ACACA: variants seen among roughly 807,000 people sequenced by gnomAD.
The protein encoded by ACACA is acetyl-CoA carboxylase alpha, also known as acetyl-CoA carboxylase 1.
ACACA carries 103 observed loss-of-function variants against 296.1 expected under a neutral mutation model. That is an observed-to-expected ratio of 0.35 (90% CI 0.30 to 0.41). The LOEUF is 0.41. ACACA is among the 10% of genes least tolerant of loss of function. The pLI is 1.00. For synonymous variants in ACACA, 953 were observed against 1,038.6 expected (o/e 0.92, Z 1.58); for missense variants, 1,554 against 2,989.7 (o/e 0.52, Z 11.20).
chr17:37,216,411 T>A lies in ACACA; in HGVS notation c.3683+5313A>T, dbSNP rs73982272. Among the ~76,000 whole-genome samples the A allele has an allele frequency of 1.1e-3, 169 of 151,830 alleles. 1 individual carries two copies. The highest frequency in any genetic ancestry group is 4.0e-3 in the African/African-American group (166 of 41,404). On this transcript the variant is annotated intron_variant, in intron 29 of 55. Coordinates refer to ENST00000616317, the MANE Select transcript of ACACA (RefSeq NM_198834.3). ...GGAACTACAGTCCCCAGAAAAAAAA[T>A]TTAGAAGTCTTGGGTAGAAGATCAA... is the stretch of plus-strand genomic sequence containing the variant.
chr17:37,121,262 C>T (rs1005466710), intron 50 of ACACA, 93 bp downstream of exon 50: 6 of 1,561,316 alleles, frequency 3.8e-6, no homozygotes, highest in Non-Finnish European at 5.3e-6. Flanking sequence ...GCTATTAGGA[C>T]ACCCACAGAT....
intron 1 of ACACA, among the ~76,000 whole-genome samples, chr17:37,392,880 C>T (rs1235609367): frequency 6.6e-6 from 1 of 151,962 alleles, no homozygotes; most frequent in African/African-American, 2.4e-5. Flanking sequence ...TGGTGGCTCA[C>T]GCCTGTAATC....
intron 1 of ACACA, among the ~76,000 whole-genome samples, chr17:37,341,930 G>A (rs1022450726): frequency 1.3e-5 from 2 of 151,946 alleles, no homozygotes; most frequent in Non-Finnish European, 2.9e-5. Flanking sequence ...CCCTGAATTA[G>A]GTTAAGACCT....
intron 11 of ACACA, among the ~76,000 whole-genome samples, chr17:37,263,445 C>A (rs950466363): frequency 6.6e-6 from 1 of 152,118 alleles, no homozygotes; most frequent in African/African-American, 2.4e-5. Context: ...ATCCCTGTAT[C>A]CTGAAATGGT....
chr17:37,356,081 T>C (rs2049128010), intron 1 of ACACA, among the ~76,000 whole-genome samples: 1 of 151,650 alleles, frequency 6.6e-6, no homozygotes. Context: ...TGAGGCAGGA[T>C]TGCTAGAACC....
intron 1 of ACACA, among the ~76,000 whole-genome samples, chr17:37,358,520 G>A (rs969853200): frequency 1.3e-5 from 2 of 152,240 alleles, no homozygotes; most frequent in South Asian, 4.1e-4. Flanking sequence ...AGTGAGGTCT[G>A]CACCCCACAC....
At chr17:37,130,602 A>C (rs373544285) in intron 45 of ACACA, among the ~76,000 whole-genome samples, 1 of 152,062 alleles carries the variant, frequency 6.6e-6, no homozygotes, top group East Asian at 1.9e-4. Context: ...AAAAAAAAAC[A>C]AAAAATACTT....
chr17:37,133,649 G>A (rs745776320), intron 45 of ACACA, among the ~76,000 whole-genome samples: 4 of 152,192 alleles, frequency 2.6e-5, no homozygotes, highest in Non-Finnish European at 5.9e-5. Flanking sequence ...TAGGTGAGCT[G>A]CATTCAACAC....
chr17:37,212,641 CTTTT>C (rs1006655517), intron 29 of ACACA, among the ~76,000 whole-genome samples: 1 of 145,372 alleles, frequency 6.9e-6, no homozygotes, highest in Non-Finnish European at 1.5e-5. Context: ...TACATGTTTT[CTTTT>C]TTTTTTTCTT....
chr17:37,338,013 C>G lies in ACACA; in HGVS notation c.85+1791G>C, dbSNP rs998068940. 6.6e-5 allele frequency among the ~76,000 whole-genome samples: 10 copies of G among 151,910 alleles called. No homozygotes were observed. In the East Asian group the frequency reaches 2.0e-3, roughly 30 times the overall value. On this transcript the variant is annotated intron_variant, in intron 2 of 55. Coordinates refer to ENST00000616317, the MANE Select transcript of ACACA (RefSeq NM_198834.3). ...TCGAGAGGCTGAGGCAGGAGTATGGCGTGAACCCAGGGGGCGGAGCTTGCA... is the reference window on the plus strand; with the variant it reads ...TCGAGAGGCTGAGGCAGGAGTATGGGGTGAACCCAGGGGGCGGAGCTTGCA...
intron 1 of ACACA, among the ~76,000 whole-genome samples, chr17:37,390,897 G>T (rs2050853781): frequency 6.6e-6 from 1 of 152,104 alleles, no homozygotes; most frequent in Non-Finnish European, 1.5e-5. Context: ...CCAGGTAGCT[G>T]CAACTGTGAT....
At position 37,155,051 on chromosome 17, in the gene ACACA, C is replaced by T. The variant is rs56057582; in HGVS notation, c.5447+632G>A. ...TTAAAATCCTTAAAAATTGACTTTTCGACCTGCAATTTCTCTTCTAGAAAT... is the reference window on the plus strand; with the variant it reads ...TTAAAATCCTTAAAAATTGACTTTTTGACCTGCAATTTCTCTTCTAGAAAT... On this transcript the variant is annotated intron_variant, in intron 43 of 55. Coordinates refer to ENST00000616317, the MANE Select transcript of ACACA (RefSeq NM_198834.3). Among the ~76,000 whole-genome samples, 170 of 152,176 alleles carry T rather than the reference C, an allele frequency of 1.1e-3. 1 individual carries two copies. Among genetic ancestry groups the T allele is most frequent in the African/African-American group, 4.0e-3 (167 of 41,522 alleles).
rs1457153858 is a variant in ACACA at position 37,330,185 on chromosome 17, G to C, written c.326C>G (p.Ala109Gly). The C allele has an allele frequency of 2.0e-5, 33 of 1,614,094 alleles. No homozygotes were observed. The highest frequency in any genetic ancestry group is 2.6e-5 in the Non-Finnish European group (31 of 1,180,018). ...AACTCTCTCTTACCTTATGTGCAAG[G>C]CCAAGCCATCCTGTAGGCTAGAGAT... ...LGISSLQDGL[A>G]LHIRSSMSGL... The change falls in exon 3 of 56, where the codon GCC becomes GGC. Residue 109 changes from alanine (A) to glycine (G), a missense_variant. Coordinates refer to ENST00000616317, the MANE Select transcript of ACACA (RefSeq NM_198834.3).
At chr17:37,324,422 C>A (rs972849765) in intron 3 of ACACA, among the ~76,000 whole-genome samples, 3 of 151,534 alleles carry the variant, frequency 2.0e-5, no homozygotes, top group Non-Finnish European at 2.9e-5. Context: ...ATACTCCCAG[C>A]ACTTTGGGAG....
At chr17:37,182,155 C>A (rs1216768800) in intron 39 of ACACA, among the ~76,000 whole-genome samples, 1 of 152,070 alleles carries the variant, frequency 6.6e-6, no homozygotes, top group African/African-American at 2.4e-5. Flanking sequence ...ATCATCTGTG[C>A]TTTAGTCCTT....
intron 1 of ACACA, among the ~76,000 whole-genome samples, chr17:37,384,796 G>A (rs2050456055): frequency 6.6e-6 from 1 of 152,198 alleles, no homozygotes; most frequent in South Asian, 2.1e-4. Context: ...CTTCCCCTAT[G>A]ATTTCATGTA....
At chr17:37,150,282 C>T (rs945971101) in intron 44 of ACACA, among the ~76,000 whole-genome samples, 5 of 152,102 alleles carry the variant, frequency 3.3e-5, no homozygotes, top group African/African-American at 1.2e-4. Context: ...CAGCTCACAC[C>T]TGTAATCCCG....
intron 3 of ACACA, among the ~76,000 whole-genome samples, chr17:37,305,729 C>G (rs2083842969): frequency 6.6e-6 from 1 of 152,152 alleles, no homozygotes; most frequent in African/African-American, 2.4e-5. Flanking sequence ...CATCCACCAC[C>G]CAAACTGAGT....
chr17:37,239,021 G>A (rs1354429161), intron 24 of ACACA, among the ~76,000 whole-genome samples: 2 of 151,980 alleles, frequency 1.3e-5, no homozygotes, highest in Admixed American at 1.3e-4. Context: ...TAGAGATGGG[G>A]TCTCACTATA....
Sources: allele counts gnomAD v4.1 joint callset (sites outside exome capture counted in the v4.1 genomes callset), GRCh38; gene constraint gnomAD v4.1.1; transcripts MANE v1.5; gene names NCBI Gene and HGNC (gene_info 2026-07-23, HGNC 2026-07-21).